The following NEK11 variants were observed in gnomAD, a reference collection of about 807,000 sequenced individuals.
The protein encoded by NEK11 is NIMA related kinase 11, also known as serine/threonine-protein kinase Nek11.
In NEK11, 72 loss-of-function variants were observed where a neutral mutation model predicts 80.7. The observed-to-expected ratio is 0.89, with a 90% CI of 0.74 to 1.08. The LOEUF is 1.08. Among genes scored for constraint, NEK11 ranks in the 50% least tolerant of loss-of-function variants. NEK11 has a pLI of 0.00. For missense variants in NEK11, 764 were observed against 763.6 expected (o/e 1.00, Z -0.01); for synonymous variants, 251 against 260.7 (o/e 0.96, Z 0.36).
intron 14 of NEK11, among the ~76,000 whole-genome samples, chr3:131,211,986 C>G (rs2094636464): frequency 6.6e-6 from 1 of 152,208 alleles, no homozygotes; most frequent in East Asian, 1.9e-4. Context: ...AAGTCATTCT[C>G]CTTCCAGCTT....
At chr3:131,094,067 A>T (rs1484027375) in intron 4 of NEK11, among the ~76,000 whole-genome samples, 1 of 149,514 alleles carries the variant, frequency 6.7e-6, no homozygotes, top group Non-Finnish European at 1.5e-5. Context: ...CTGTCCCAAG[A>T]GTCTGGAGGG....
chr3:131,205,629 C>G (rs2094420085), intron 14 of NEK11, among the ~76,000 whole-genome samples: 1 of 152,254 alleles, frequency 6.6e-6, no homozygotes, highest in Middle Eastern at 3.4e-3. Flanking sequence ...ACACCCCCAG[C>G]CCTCAAGAGG....
intron 14 of NEK11, among the ~76,000 whole-genome samples, chr3:131,194,840 G>A (rs527947788): frequency 6.6e-6 from 1 of 152,118 alleles, no homozygotes; most frequent in Admixed American, 6.6e-5. Flanking sequence ...GGTATAGTAA[G>A]AATCAAGAGA....
At chr3:131,033,000 A>T (rs1009666379) in intron 3 of NEK11, among the ~76,000 whole-genome samples, 5 of 152,168 alleles carry the variant, frequency 3.3e-5, no homozygotes, top group Non-Finnish European at 5.9e-5. Context: ...CCAATCTGAA[A>T]CCAGGCATGT....
intron 3 of NEK11, among the ~76,000 whole-genome samples, chr3:131,074,628 A>G (rs1184043646): frequency 1.3e-5 from 2 of 152,198 alleles, no homozygotes; most frequent in Non-Finnish European, 2.9e-5. Flanking sequence ...TCTACTGGAT[A>G]TTGACTTATA....
chr3:131,048,690 C>G (rs896591611), intron 3 of NEK11, among the ~76,000 whole-genome samples: 5 of 152,172 alleles, frequency 3.3e-5, no homozygotes, highest in Non-Finnish European at 7.4e-5. Context: ...ATCTGTGGAT[C>G]CTCTCGCTTT....
intron 16 of NEK11, among the ~76,000 whole-genome samples, chr3:131,269,163 G>A (rs1016112997): frequency 6.6e-6 from 1 of 152,228 alleles, no homozygotes; most frequent in Admixed American, 6.5e-5. Context: ...TGCTGTGCTG[G>A]CAGTGCAAAT....
intron 16 of NEK11, among the ~76,000 whole-genome samples, chr3:131,264,638 A>C (rs2108527845): frequency 6.6e-6 from 1 of 152,322 alleles, no homozygotes; most frequent in African/African-American, 2.4e-5. Context: ...GTTTGAAGTC[A>C]GGTAGCGTGA....
At chr3:131,201,609 G>A (rs1305620516) in intron 14 of NEK11, among the ~76,000 whole-genome samples, 2 of 152,100 alleles carry the variant, frequency 1.3e-5, no homozygotes, top group Admixed American at 6.6e-5. Flanking sequence ...GCAAAGTTAT[G>A]TGTTCACCAC....
At chr3:131,253,341 A>G (rs557043298) in intron 16 of NEK11, among the ~76,000 whole-genome samples, 2 of 152,286 alleles carry the variant, frequency 1.3e-5, no homozygotes, top group African/African-American at 4.8e-5. Context: ...AAGCAAGACC[A>G]GACATGAACA....
intron 17 of NEK11, among the ~76,000 whole-genome samples, chr3:131,336,225 A>G (rs1261890008): frequency 6.6e-6 from 1 of 152,228 alleles, no homozygotes; most frequent in Non-Finnish European, 1.5e-5. Context: ...ACTATACTAC[A>G]AGGTTACAGT....
intron 14 of NEK11, among the ~76,000 whole-genome samples, chr3:131,214,916 A>G (rs2094769123): frequency 1.3e-5 from 2 of 152,170 alleles, no homozygotes; most frequent in African/African-American, 4.8e-5. Context: ...CTCATGTGTG[A>G]TGCTGTAGGC....
chr3:131,273,646 C>A, intron 17 of NEK11, 72 bp downstream of exon 17: 4 of 1,106,784 alleles, frequency 3.6e-6, no homozygotes, highest in South Asian at 2.6e-5. Flanking sequence ...GTGACCCAGT[C>A]ATGTGATACT....
chr3:131,044,443 A>AAAAAG (rs71627025), intron 3 of NEK11, among the ~76,000 whole-genome samples: 1 of 83,614 alleles, frequency 1.2e-5, no homozygotes, highest in African/African-American at 4.3e-5. Context: ...AAAAAAAAAA[A>AAAAAG]GGTGGGGGGG....
intron 17 of NEK11, chr3:131,325,426 A>G (rs943596401): frequency 6.6e-6 from 1 of 151,886 alleles, no homozygotes; most frequent in Admixed American, 6.6e-5. Context: ...CAGGCTCAGA[A>G]TAGAGGTTCC....
intron 17 of NEK11, among the ~76,000 whole-genome samples, chr3:131,288,741 C>T (rs1040357443): frequency 9.2e-5 from 14 of 151,930 alleles, no homozygotes; most frequent in Admixed American, 4.6e-4. Flanking sequence ...CATGAGCCAC[C>T]GCGCCCCGCC....
chr3:131,255,045 A>C (rs924549520), intron 16 of NEK11, among the ~76,000 whole-genome samples: 6 of 117,626 alleles, frequency 5.1e-5, no homozygotes, highest in Non-Finnish European at 1.1e-4. Flanking sequence ...AGAGAGAGAG[A>C]GAGAGAGACA....
chr3:131,136,871 CTA>C (rs1398884470), intron 7 of NEK11, among the ~76,000 whole-genome samples: 2 of 152,090 alleles, frequency 1.3e-5, no homozygotes, highest in Non-Finnish European at 2.9e-5. Flanking sequence ...TTGATTTAAA[CTA>C]TGAATATTTA....
At chr3:131,117,816 T>C (rs913300812) in intron 5 of NEK11, among the ~76,000 whole-genome samples, 1 of 152,222 alleles carries the variant, frequency 6.6e-6, no homozygotes, top group African/African-American at 2.4e-5. Flanking sequence ...TTTTTGCACA[T>C]TGATTTTGTA....
Sources: gnomAD v4.1 joint callset for allele counts (sites outside exome capture counted in the v4.1 genomes callset) on GRCh38, gnomAD v4.1.1 for gene constraint, MANE v1.5 for transcripts, NCBI Gene and HGNC (gene_info 2026-07-23, HGNC 2026-07-21) for gene names.